RPS6KA1: variants seen among roughly 807,000 people sequenced by gnomAD.
RPS6KA1 encodes ribosomal protein S6 kinase alpha-1.
RPS6KA1 carries 48 observed loss-of-function variants against 91.3 expected under a neutral mutation model. That is an observed-to-expected ratio of 0.53 (90% CI 0.42 to 0.67). RPS6KA1 has a LOEUF of 0.67. RPS6KA1 is among the 30% of genes least tolerant of loss of function. The pLI is 0.00. For synonymous variants in RPS6KA1, 359 were observed against 384.7 expected (o/e 0.93, Z 0.78); for missense variants, 719 against 960.5 (o/e 0.75, Z 3.32).
chr1:26,557,815 T>G (rs1399782295), intron 13 of RPS6KA1, among the ~76,000 whole-genome samples: 1 of 62,274 alleles, frequency 1.6e-5, no homozygotes, highest in South Asian at 6.6e-4. Flanking sequence ...TCCCCTTCCC[T>G]CTCCTTCCCT....
At chr1:26,565,876 CT>C (rs2076197045) in intron 17 of RPS6KA1, among the ~76,000 whole-genome samples, 1 of 152,124 alleles carries the variant, frequency 6.6e-6, no homozygotes, top group Non-Finnish European at 1.5e-5. Flanking sequence ...CAAACTTTCT[CT>C]TTTGTATCTG....
At chr1:26,542,889 T>C (rs914677797) in intron 2 of RPS6KA1, among the ~76,000 whole-genome samples, 2 of 152,178 alleles carry the variant, frequency 1.3e-5, no homozygotes, top group Admixed American at 1.3e-4. Flanking sequence ...GTTATCGCCT[T>C]GTGACTTTTG....
intron 17 of RPS6KA1, among the ~76,000 whole-genome samples, chr1:26,567,789 G>A (rs943631197): frequency 1.3e-5 from 2 of 152,140 alleles, no homozygotes; most frequent in African/African-American, 4.8e-5. Flanking sequence ...CATTTCCCAA[G>A]CCCTTTGCTA....
Position 26,555,570 on chromosome 1 carries a change from T to C in RPS6KA1, c.861T>C (p.Thr287=), listed in dbSNP as rs1180676263. 5 of 1,601,024 alleles carry C rather than the reference T, an allele frequency of 3.1e-6. No homozygotes were observed. Among genetic ancestry groups the C allele is most frequent in the Admixed American group, 3.4e-5 (2 of 58,894 alleles). The change falls in exon 11 of 22, where the codon ACT becomes ACC. Residue 287 remains threonine (T), a synonymous_variant. Transcript: ENST00000374168. This position sits in a 1 kb window ranked among gnomAD's most constrained non-coding sequence, Gnocchi z 4.3. ...AKLGMPQFLS[T]EAQSLLRALF... is the part of the protein sequence containing the mutation. Reference sequence around the variant, plus strand: ...TAGGCATGCCCCAGTTTCTGAGCACTGAAGCCCAGAGCCTCTTGCGGGCCC... The same window carrying C: ...TAGGCATGCCCCAGTTTCTGAGCACCGAAGCCCAGAGCCTCTTGCGGGCCC...
At chr1:26,538,407 A>T (rs1467867215) in intron 2 of RPS6KA1, among the ~76,000 whole-genome samples, 2 of 152,092 alleles carry the variant, frequency 1.3e-5, no homozygotes, top group African/African-American at 4.8e-5. Context: ...GAACTGGAGG[A>T]GCTTACTGGG....
At chr1:26,532,845 T>A (rs1461491386) in intron 1 of RPS6KA1, among the ~76,000 whole-genome samples, 4 of 152,172 alleles carry the variant, frequency 2.6e-5, no homozygotes, top group African/African-American at 9.7e-5. Flanking sequence ...TGGGCATCTG[T>A]CCTCATGAGC....
At position 26,571,657 on chromosome 1, in the gene RPS6KA1, G is replaced by A. The variant is rs1258632192; in HGVS notation, c.1752+47G>A. 3 of 1,597,846 alleles carry A rather than the reference G, an allele frequency of 1.9e-6. No individual in the cohort carries two copies. The highest frequency in any genetic ancestry group is 1.1e-5 in the South Asian group (1 of 89,266). On this transcript the variant is annotated intron_variant, in intron 18 of 21. Coordinates refer to ENST00000374168, the MANE Select transcript of RPS6KA1 (RefSeq NM_002953.4). The surrounding 1 kb of genome is among the most constrained non-coding windows in gnomAD (Gnocchi z 5.1). ...GCTGTAAGAGTGAGGGGGAATTGGA[G>A]GCCTTGTGCCCCCTCCCAGAGGCCC... is the stretch of plus-strand genomic sequence containing the variant.
chr1:26,558,703 C>T lies in RPS6KA1; in HGVS notation c.1085-104C>T. On this transcript the variant is annotated intron_variant, in intron 13 of 21. Transcript: ENST00000374168. This position sits in a 1 kb window ranked among gnomAD's most constrained non-coding sequence, Gnocchi z 4.0. ...CTCTGCAGGCTCCCGCCACGGCCAG[C>T]CCCTGAGGCAGGTCTGGAGGCCCTG... 3 of 1,376,176 alleles carry T rather than the reference C, an allele frequency of 2.2e-6. No homozygotes were observed. In the Admixed American group the frequency reaches 6.6e-5, roughly 30 times the overall value. 85.2% of individuals were successfully genotyped at this position (1,376,176 alleles called of 1,614,324 possible).
chr1:26,551,269 C>T lies in RPS6KA1; in HGVS notation c.308-128C>T, dbSNP rs554288309. 119 of 763,770 alleles carry T rather than the reference C, an allele frequency of 1.6e-4. 1 individual carries two copies. Among genetic ancestry groups the T allele is most frequent in the Admixed American group, 1.4e-3 (60 of 42,764 alleles). The allele number at this position is 763,770 out of a possible 1,614,324, so 47.3% of individuals were successfully genotyped here. On this transcript the variant is annotated intron_variant, in intron 4 of 21. Transcript: ENST00000374168. The surrounding 1 kb of genome is among the most constrained non-coding windows in gnomAD (Gnocchi z 4.5). ...CCTGAGGATTGAGTGTCCCCAAAGC[C>T]CTGGGTGAGGGGGCTTTGGGAGCTC...
intron 2 of RPS6KA1, chr1:26,544,050 C>T: frequency 2.2e-6 from 1 of 455,854 alleles, no homozygotes; most frequent in Admixed American, 2.4e-5. Context: ...CAGATTGTCT[C>T]CCCTCATCTC....
intron 1 of RPS6KA1, 124 bp from the exon 2 acceptor site, chr1:26,536,801 C>G (rs2075910260): frequency 9.2e-7 from 1 of 1,086,092 alleles, no homozygotes; most frequent in African/African-American, 1.5e-5. Context: ...CCCAGGACTC[C>G]TGCCCTACCA....
intron 6 of RPS6KA1, among the ~76,000 whole-genome samples, chr1:26,553,187 T>C (rs1242850966): frequency 1.3e-5 from 2 of 152,144 alleles, no homozygotes; most frequent in African/African-American, 4.8e-5. Context: ...CCCCTTCTAT[T>C]TCTGAATGGT....
rs873151 is a variant in RPS6KA1, at chr1:26,554,498, T to A, written c.614-98T>A. On this transcript the variant is annotated intron_variant, in intron 8 of 21. Transcript: ENST00000374168. This position sits in a 1 kb window ranked among gnomAD's most constrained non-coding sequence, Gnocchi z 4.6. ...TTCCTCCTGAGTGTCATGGGGGTGA[T>A]GCCTTCTGGCCTCTGGGCACGGGGG... 2.7e-6 allele frequency: 4 copies of A among 1,474,458 alleles called. No individual in the cohort carries two copies. The highest frequency in any genetic ancestry group is 3.7e-6 in the Non-Finnish European group (4 of 1,087,062). The allele number at this position is 1,474,458 out of a possible 1,614,324, so 91.3% of individuals were successfully genotyped here.
intron 1 of RPS6KA1, among the ~76,000 whole-genome samples, chr1:26,535,219 G>A (rs1419334810): frequency 2.6e-5 from 4 of 152,040 alleles, no homozygotes. Flanking sequence ...TGCATGGAGG[G>A]GCCTGTAGAA....
At chr1:26,543,714 T>C (rs1407043156) in intron 2 of RPS6KA1, among the ~76,000 whole-genome samples, 1 of 152,188 alleles carries the variant, frequency 6.6e-6, no homozygotes, top group African/African-American at 2.4e-5. Flanking sequence ...GCCCACACTT[T>C]CCTGGCATTT....
At chr1:26,538,790 C>A (rs904308923) in intron 2 of RPS6KA1, among the ~76,000 whole-genome samples, 3 of 152,150 alleles carry the variant, frequency 2.0e-5, no homozygotes, top group Non-Finnish European at 4.4e-5. Flanking sequence ...TTCTGTGATT[C>A]CAAGTGGGAC....
rs776804075 is a variant in RPS6KA1, at chr1:26,546,016, C to G, written c.109-851C>G. On this transcript the variant is annotated intron_variant, in intron 2 of 21. Coordinates refer to ENST00000374168, the MANE Select transcript of RPS6KA1 (RefSeq NM_002953.4). ...TCTCTGCCTGTCCCTGGCCCTGGCT[C>G]TGGCCCCCAGCGGGACTCGGTGAGT... The G allele has an allele frequency of 7.4e-6, 12 of 1,611,836 alleles. No individual in the cohort carries two copies. In the Admixed American group the frequency reaches 1.8e-4, roughly 25 times the overall value.
chr1:26,530,584 G>A (rs1467164949), intron 1 of RPS6KA1, among the ~76,000 whole-genome samples: 16 of 152,168 alleles, frequency 1.1e-4, no homozygotes, highest in Admixed American at 1.0e-3. Flanking sequence ...GAGTGGGGAA[G>A]AGCCCTTAGA....
chr1:26,571,847 A>C lies in RPS6KA1; in HGVS notation c.1753-2A>C. 1 of 1,608,682 alleles carries C rather than the reference A, an allele frequency of 6.2e-7. No homozygotes were observed. Among genetic ancestry groups the C allele is most frequent in the Non-Finnish European group, 8.5e-7 (1 of 1,179,754 alleles). ...TGACCACCTCCCCTGCCCTGTTGCC[A>C]GGTGCTGAAGCGCCAGGGCTACGAT... is the stretch of plus-strand genomic sequence containing the variant. On this transcript the variant is annotated splice_acceptor_variant, in intron 18 of 21. Transcript: ENST00000374168. LOFTEE classifies it high-confidence loss of function. This position sits in a 1 kb window ranked among gnomAD's most constrained non-coding sequence, Gnocchi z 5.1.
Sources: gnomAD v4.1 joint callset for allele counts (sites outside exome capture counted in the v4.1 genomes callset) on GRCh38, gnomAD v4.1.1 for gene constraint, Gnocchi (gnomAD v3.1) non-coding constraint, MANE v1.5 for transcripts, NCBI Gene and HGNC (gene_info 2026-07-23, HGNC 2026-07-21) for gene names.